Variants in MECOM observed in about 807,000 individuals in gnomAD.
MECOM encodes histone-lysine N-methyltransferase MECOM.
Under a neutral mutation model 116.3 loss-of-function variants are expected in MECOM, and 13 were observed. The ratio of observed to expected loss-of-function variants is 0.11; its 90% confidence interval spans 0.07 to 0.18. The LOEUF (loss-of-function observed/expected upper bound fraction) is 0.18. MECOM is among the 10% of genes least tolerant of loss of function. The pLI is 1.00. For synonymous variants in MECOM, 528 were observed against 535.2 expected (o/e 0.99, Z 0.19); for missense variants, 1,299 against 1,509.0 (o/e 0.86, Z 2.31).
intron 12 of MECOM, among the ~76,000 whole-genome samples, chr3:169,099,188 T>C (rs1722749277): frequency 6.6e-6 from 1 of 150,650 alleles, no homozygotes; most frequent in Non-Finnish European, 1.5e-5. Context: ...AAATGCTGGT[T>C]TGTGGTTTAA....
chr3:169,589,309 T>C (rs1766129168), intron 1 of MECOM, among the ~76,000 whole-genome samples: 2 of 151,916 alleles, frequency 1.3e-5, no homozygotes, highest in Non-Finnish European at 2.9e-5. Context: ...CTTTGCAGCA[T>C]AAGAGCTAGA....
At chr3:169,226,557 C>T (rs1752751194) in intron 2 of MECOM, among the ~76,000 whole-genome samples, 1 of 152,122 alleles carries the variant, frequency 6.6e-6, no homozygotes, top group South Asian at 2.1e-4. Flanking sequence ...TTATTCTCCC[C>T]GTTTTATTTA....
intron 1 of MECOM, among the ~76,000 whole-genome samples, chr3:169,645,135 T>C (rs1465960524): frequency 1.3e-5 from 2 of 152,184 alleles, no homozygotes; most frequent in African/African-American, 4.8e-5. Flanking sequence ...TGAGATTATT[T>C]AATGAATTTT....
chr3:169,104,504 C>T (rs547944085), intron 10 of MECOM, among the ~76,000 whole-genome samples: 12 of 152,244 alleles, frequency 7.9e-5, no homozygotes, highest in South Asian at 6.2e-4. Context: ...CATGATCACA[C>T]ACATTTATTG....
intron 1 of MECOM, among the ~76,000 whole-genome samples, chr3:169,389,259 G>A (rs1321344743): frequency 6.6e-6 from 1 of 152,198 alleles, no homozygotes; most frequent in East Asian, 1.9e-4. Flanking sequence ...GAAAGAAATT[G>A]CTAGAAAATT....
At chr3:169,312,116 T>C (rs774671145) in intron 2 of MECOM, among the ~76,000 whole-genome samples, 6 of 152,136 alleles carry the variant, frequency 3.9e-5, no homozygotes, top group Non-Finnish European at 7.3e-5. Context: ...AACTAACTTA[T>C]GTTTTTAATC....
chr3:169,575,099 G>A (rs1470441657), intron 1 of MECOM, among the ~76,000 whole-genome samples: 2 of 151,994 alleles, frequency 1.3e-5, no homozygotes, highest in African/African-American at 4.8e-5. Flanking sequence ...TTGTACTAAG[G>A]GAAAAATATA....
At chr3:169,562,408 G>A (rs1400464035) in intron 1 of MECOM, among the ~76,000 whole-genome samples, 2 of 152,068 alleles carry the variant, frequency 1.3e-5, no homozygotes, top group Non-Finnish European at 2.9e-5. Flanking sequence ...GGTGTGGCAT[G>A]TTAGAAATGT....
At chr3:169,607,461 T>G (rs1039709545) in intron 1 of MECOM, among the ~76,000 whole-genome samples, 1 of 152,252 alleles carries the variant, frequency 6.6e-6, no homozygotes, top group Admixed American at 6.5e-5. Flanking sequence ...TTGCAAGGAA[T>G]TTATTAAAAT....
At chr3:169,267,954 T>C (rs566851006) in intron 2 of MECOM, among the ~76,000 whole-genome samples, 111 of 152,226 alleles carry the variant, frequency 7.3e-4, no homozygotes, top group African/African-American at 2.6e-3. Context: ...CTTATTTCAT[T>C]CTGGAAGATG....
chr3:169,097,015 C>T (rs60441763), intron 12 of MECOM, among the ~76,000 whole-genome samples: 4,363 of 151,522 alleles, frequency 0.029, 199 homozygotes, highest in African/African-American at 0.1. Context: ...TCTGCAATAA[C>T]TCTGTTTACC....
At chr3:169,257,706 T>C (rs1468963063) in intron 2 of MECOM, among the ~76,000 whole-genome samples, 1 of 152,184 alleles carries the variant, frequency 6.6e-6, no homozygotes. Context: ...TTTATCACCT[T>C]TTTCTTTCCC....
intron 1 of MECOM, among the ~76,000 whole-genome samples, chr3:169,644,076 G>A (rs1347484974): frequency 6.6e-6 from 1 of 151,836 alleles, no homozygotes; most frequent in Non-Finnish European, 1.5e-5. Context: ...ATTTTCTTTA[G>A]TTTATCATAT....
At chr3:169,523,990 A>G (rs1441199886) in intron 1 of MECOM, among the ~76,000 whole-genome samples, 2 of 147,946 alleles carry the variant, frequency 1.4e-5, no homozygotes, top group Non-Finnish European at 3.0e-5. Context: ...ATACACATAC[A>G]TACCTGTATA....
At chr3:169,403,912 T>G (rs1736260694) in intron 1 of MECOM, among the ~76,000 whole-genome samples, 1 of 152,184 alleles carries the variant, frequency 6.6e-6, no homozygotes, top group South Asian at 2.1e-4. Context: ...ATTTATAAGT[T>G]TGGTTATTAG....
At chr3:169,362,212 G>A (rs1222734681) in intron 2 of MECOM, among the ~76,000 whole-genome samples, 1 of 151,798 alleles carries the variant, frequency 6.6e-6, no homozygotes, top group African/African-American at 2.4e-5. Context: ...ATTGTTGTTG[G>A]TGGGCTTTTC....
intron 2 of MECOM, among the ~76,000 whole-genome samples, chr3:169,154,441 C>T (rs1268651019): frequency 6.6e-6 from 1 of 152,120 alleles, no homozygotes; most frequent in Non-Finnish European, 1.5e-5. Context: ...TGGATCAGGT[C>T]CTTCCTTGAC....
chr3:169,569,061 G>A (rs1763580719), intron 1 of MECOM, among the ~76,000 whole-genome samples: 1 of 151,932 alleles, frequency 6.6e-6, no homozygotes, highest in Non-Finnish European at 1.5e-5. Context: ...TGGGTAAAGA[G>A]TCAAGACCCA....
intron 1 of MECOM, among the ~76,000 whole-genome samples, chr3:169,547,051 T>C (rs1760804296): frequency 6.6e-6 from 1 of 152,208 alleles, no homozygotes; most frequent in Non-Finnish European, 1.5e-5. Context: ...CCTGATATAG[T>C]TTGACTCTGT....
Sources: gnomAD v4.1 joint callset for allele counts (sites outside exome capture counted in the v4.1 genomes callset) on GRCh38, gnomAD v4.1.1 for gene constraint, MANE v1.5 for transcripts, NCBI Gene and HGNC (gene_info 2026-07-23, HGNC 2026-07-21) for gene names.